Variants in ZNF804B observed in about 807,000 individuals in gnomAD.
ZNF804B encodes zinc finger 804B.
A neutral mutation model predicts 101.4 loss-of-function variants in ZNF804B; 80 were observed. The observed-to-expected ratio is 0.79, with a 90% CI of 0.66 to 0.95. The LOEUF (loss-of-function observed/expected upper bound fraction) is 0.95, where lower values mean the gene tolerates loss of function less well. ZNF804B is among the 40% of genes least tolerant of loss of function. The probability of loss-of-function intolerance (pLI) is 0.00; values close to 1 mark genes in which losing one functional copy is unlikely to be tolerated. For missense variants in ZNF804B, 1,673 were observed against 1,561.9 expected (o/e 1.07, Z -1.20); for synonymous variants, 622 against 558.8 (o/e 1.11, Z -1.59).
At chr7:89,273,410 A>G (rs145848772) in intron 2 of ZNF804B, among the ~76,000 whole-genome samples, 123 of 152,236 alleles carry the variant, frequency 8.1e-4, no homozygotes, top group African/African-American at 2.9e-3. Flanking sequence ...AGCTAGGTGG[A>G]GTTGTTGGTT....
At chr7:89,122,435 G>A (rs766100278) in intron 1 of ZNF804B, among the ~76,000 whole-genome samples, 21 of 152,078 alleles carry the variant, frequency 1.4e-4, no homozygotes, top group Non-Finnish European at 2.4e-4. Context: ...TATTACTAAC[G>A]TTGTTTAGAA....
rs535580847 is a variant in ZNF804B at position 88,995,340 on chromosome 7, G to C, written c.109-222815G>C. 2.6e-5 allele frequency among the ~76,000 whole-genome samples: 4 copies of C among 152,072 alleles called. No homozygotes were observed. The East Asian group carries it at 7.7e-4, about 29-fold the overall frequency. Reference sequence around the variant, plus strand: ...AAACAATATATATGATATTAGCAGAGCATATAATAGATATACTTACTAATT... The same window carrying C: ...AAACAATATATATGATATTAGCAGACCATATAATAGATATACTTACTAATT... On this transcript the variant is annotated intron_variant, in intron 1 of 3. Transcript: ENST00000333190.
chr7:89,250,249 C>T (rs552636925), intron 2 of ZNF804B, among the ~76,000 whole-genome samples: 3 of 151,744 alleles, frequency 2.0e-5, no homozygotes, highest in South Asian at 2.1e-4. Context: ...AAATGACAAA[C>T]GTGATGTTAC....
intron 1 of ZNF804B, among the ~76,000 whole-genome samples, chr7:88,892,869 A>G (rs1366829844): frequency 1.3e-5 from 2 of 152,162 alleles, no homozygotes; most frequent in Middle Eastern, 3.2e-3. Flanking sequence ...ATTTTGAATT[A>G]TATTGGTATT....
intron 1 of ZNF804B, among the ~76,000 whole-genome samples, chr7:89,031,367 C>T (rs926816336): frequency 2.0e-5 from 3 of 151,914 alleles, no homozygotes; most frequent in Non-Finnish European, 4.4e-5. Context: ...GCAGTCTTCA[C>T]ACACTCTTAT....
chr7:88,850,725 A>C (rs1308876179), intron 1 of ZNF804B, among the ~76,000 whole-genome samples: 1 of 152,118 alleles, frequency 6.6e-6, no homozygotes, highest in Non-Finnish European at 1.5e-5. Context: ...TTTATTACCC[A>C]ATAACTTAAA....
chr7:89,162,557 G>A (rs1183332757), intron 1 of ZNF804B, among the ~76,000 whole-genome samples: 1 of 149,840 alleles, frequency 6.7e-6, no homozygotes, highest in African/African-American at 2.5e-5. Context: ...TTCCTAAAGT[G>A]AAACCACAGC....
intron 1 of ZNF804B, among the ~76,000 whole-genome samples, chr7:88,768,315 A>G (rs954681485): frequency 6.6e-6 from 1 of 152,256 alleles, no homozygotes; most frequent in African/African-American, 2.4e-5. Flanking sequence ...CACTGCAAGA[A>G]GCCTCCAGAA....
chr7:89,098,474 A>C (rs1037782337), intron 1 of ZNF804B, among the ~76,000 whole-genome samples: 1 of 151,754 alleles, frequency 6.6e-6, no homozygotes, highest in African/African-American at 2.4e-5. Flanking sequence ...GGTTTCACCA[A>C]CGTTGGTCAG....
intron 1 of ZNF804B, among the ~76,000 whole-genome samples, chr7:89,196,033 C>T (rs564130864): frequency 6.6e-6 from 1 of 152,114 alleles, no homozygotes; most frequent in East Asian, 1.9e-4. Flanking sequence ...CGACATTCTT[C>T]ACAGAATTAG....
intron 1 of ZNF804B, among the ~76,000 whole-genome samples, chr7:89,134,179 A>T (rs1458483692): frequency 1.3e-5 from 2 of 152,144 alleles, no homozygotes; most frequent in Non-Finnish European, 1.5e-5. Context: ...AACATTTTGT[A>T]GACTTGTTTG....
chr7:88,837,098 A>C (rs1412548023), intron 1 of ZNF804B, among the ~76,000 whole-genome samples: 8 of 151,936 alleles, frequency 5.3e-5, no homozygotes, highest in African/African-American at 7.2e-5. Context: ...GGTTGCCCCC[A>C]AAAAAGCACT....
chr7:89,273,315 A>G (rs905592267), intron 2 of ZNF804B, among the ~76,000 whole-genome samples: 2 of 144,748 alleles, frequency 1.4e-5, no homozygotes, highest in South Asian at 2.2e-4. Context: ...AAAGGAAGAC[A>G]ATAAGCTTTC....
chr7:89,252,510 G>C (rs1789557556), intron 2 of ZNF804B, among the ~76,000 whole-genome samples: 1 of 152,090 alleles, frequency 6.6e-6, no homozygotes, highest in Admixed American at 6.6e-5. Context: ...ACTACCATTT[G>C]ATCCAGCAAT....
chr7:88,907,271 C>T (rs578203211), intron 1 of ZNF804B, among the ~76,000 whole-genome samples: 1 of 152,036 alleles, frequency 6.6e-6, no homozygotes, highest in East Asian at 1.9e-4. Context: ...AAGGTTGAGT[C>T]TTGTCTTTTT....
chr7:89,069,672 T>A (rs1215126028), intron 1 of ZNF804B, among the ~76,000 whole-genome samples: 3 of 152,178 alleles, frequency 2.0e-5, no homozygotes, highest in African/African-American at 7.2e-5. Flanking sequence ...TGGAACTGTA[T>A]ACAGTATGGT....
intron 1 of ZNF804B, among the ~76,000 whole-genome samples, chr7:88,797,610 G>T (rs1790507175): frequency 6.6e-6 from 1 of 152,054 alleles, no homozygotes; most frequent in South Asian, 2.1e-4. Flanking sequence ...GTCAGTAGGA[G>T]AATTTATGAG....
chr7:88,929,474 T>C (rs1792851510), intron 1 of ZNF804B, among the ~76,000 whole-genome samples: 1 of 152,010 alleles, frequency 6.6e-6, no homozygotes. Context: ...TATACAGTTA[T>C]CACCTCTGAT....
At chr7:88,880,320 T>C (rs7781288) in intron 1 of ZNF804B, among the ~76,000 whole-genome samples, 66,591 of 152,044 alleles carry the variant, frequency 0.44, 16,039 homozygotes, top group African/African-American at 0.64. Context: ...AAATATTTAC[T>C]GGATTTAACA....
Sources: allele counts gnomAD v4.1 joint callset (sites outside exome capture counted in the v4.1 genomes callset), GRCh38; gene constraint gnomAD v4.1.1; transcripts MANE v1.5; gene names NCBI Gene and HGNC (gene_info 2026-07-23, HGNC 2026-07-21).